CNTNAP2: variants seen among roughly 807,000 people sequenced by gnomAD.
CNTNAP2 encodes the protein contactin associated protein 2, also known as contactin-associated protein-like 2.
Under a neutral mutation model 155.2 loss-of-function variants are expected in CNTNAP2, and 98 were observed. The observed-to-expected ratio is 0.63, with a 90% CI of 0.54 to 0.75. The LOEUF is 0.75. Ranked by LOEUF, CNTNAP2 falls within the 30% of genes least tolerant of loss-of-function variation. CNTNAP2 has a pLI of 0.00. For synonymous variants in CNTNAP2, 651 were observed against 631.2 expected, an observed-to-expected ratio of 1.03 and a Z score of -0.47; for missense variants, 1,727 against 1,688.1, an observed-to-expected ratio of 1.02 and a Z score of -0.40.
intron 19 of CNTNAP2, among the ~76,000 whole-genome samples, chr7:148,226,597 G>A (rs1795854070): frequency 6.6e-6 from 1 of 151,374 alleles, no homozygotes; most frequent in African/African-American, 2.4e-5. Context: ...GAGTTTAACG[G>A]GTATATGACC....
chr7:148,193,939 C>T (rs897480094), intron 18 of CNTNAP2, among the ~76,000 whole-genome samples: 2 of 151,054 alleles, frequency 1.3e-5, no homozygotes, highest in Non-Finnish European at 1.5e-5. Context: ...TCAAGAGGAT[C>T]CTCATCTCTG....
At chr7:146,352,992 G>T (rs1794944580) in intron 1 of CNTNAP2, among the ~76,000 whole-genome samples, 3 of 151,740 alleles carry the variant, frequency 2.0e-5, no homozygotes, top group Non-Finnish European at 2.9e-5. Context: ...CTGACCTCGT[G>T]ATCTGCCCAC....
At chr7:148,093,215 A>T (rs990953391) in intron 15 of CNTNAP2, among the ~76,000 whole-genome samples, 72 of 152,284 alleles carry the variant, frequency 4.7e-4, no homozygotes, top group Admixed American at 1.5e-3. Flanking sequence ...AATTTTTTTA[A>T]AAAGGAAAGC....
rs575116024 is a variant in CNTNAP2 at position 147,416,794 on chromosome 7, A to G, written c.1670+21014A>G. On this transcript the variant is annotated intron_variant, in intron 10 of 23. Transcript: ENST00000361727. ...GTAGGACCAGTATTAGGACATCTGC[A>G]TAAGATTTAATTTTAGAGGCCGTGT... is the stretch of plus-strand genomic sequence containing the variant. 2.0e-5 allele frequency among the ~76,000 whole-genome samples: 3 copies of G among 152,274 alleles called. No individual in the cohort carries two copies. In the East Asian group the frequency reaches 5.8e-4, roughly 29 times the overall value.
intron 2 of CNTNAP2, among the ~76,000 whole-genome samples, chr7:146,793,757 C>T (rs372413907): frequency 1.3e-5 from 2 of 152,120 alleles, no homozygotes; most frequent in Non-Finnish European, 2.9e-5. Context: ...CAAGTGTGGT[C>T]CCTGGCCCAG....
intron 12 of CNTNAP2, among the ~76,000 whole-genome samples, chr7:147,616,154 T>G (rs932789744): frequency 6.6e-6 from 1 of 152,226 alleles, no homozygotes; most frequent in Non-Finnish European, 1.5e-5. Flanking sequence ...TTTTAAAATA[T>G]TTAAAACAAA....
At chr7:147,034,988 C>T (rs144109817) in intron 3 of CNTNAP2, among the ~76,000 whole-genome samples, 3 of 110,268 alleles carry the variant, frequency 2.7e-5, no homozygotes, top group Non-Finnish European at 5.9e-5. Context: ...GGGTGGAGCC[C>T]CACCAGGACC....
intron 1 of CNTNAP2, among the ~76,000 whole-genome samples, chr7:146,358,769 A>G (rs73162171): frequency 0.082 from 12,497 of 152,256 alleles, 1,050 homozygotes; most frequent in African/African-American, 0.22. Flanking sequence ...TAAATTTAAA[A>G]TAAACTGAGC....
intron 1 of CNTNAP2, among the ~76,000 whole-genome samples, chr7:146,518,489 T>C (rs980888511): frequency 1.3e-5 from 2 of 151,870 alleles, no homozygotes; most frequent in Non-Finnish European, 2.9e-5. Context: ...AATGTTAAAC[T>C]TTATCCTGAG....
At chr7:146,233,623 ACAC>A (rs1421488928) in intron 1 of CNTNAP2, among the ~76,000 whole-genome samples, 8 of 151,334 alleles carry the variant, frequency 5.3e-5, no homozygotes, top group East Asian at 2.0e-4. Flanking sequence ...CCTTCCCCCC[ACAC>A]CACAACAGTC....
chr7:148,074,055 T>G (rs1246206467), intron 15 of CNTNAP2, among the ~76,000 whole-genome samples: 1 of 152,188 alleles, frequency 6.6e-6, no homozygotes, highest in East Asian at 1.9e-4. Flanking sequence ...ACTGGGGCTC[T>G]GGGAATGTAT....
intron 1 of CNTNAP2, among the ~76,000 whole-genome samples, chr7:146,648,587 G>A (rs1330497597): frequency 1.3e-5 from 2 of 152,038 alleles, no homozygotes; most frequent in African/African-American, 4.8e-5. Flanking sequence ...ATAGATTTAT[G>A]TTAAAACTTC....
At chr7:148,033,229 T>C (rs1321925658) in intron 15 of CNTNAP2, among the ~76,000 whole-genome samples, 1 of 152,174 alleles carries the variant, frequency 6.6e-6, no homozygotes, top group African/African-American at 2.4e-5. Context: ...ATATACATTA[T>C]AATTGGGTAA....
chr7:147,442,018 C>T (rs1473319478), intron 10 of CNTNAP2, among the ~76,000 whole-genome samples: 1 of 152,058 alleles, frequency 6.6e-6, no homozygotes, highest in Non-Finnish European at 1.5e-5. Context: ...TCTCTGGCTA[C>T]TGCCTATGTT....
chr7:146,443,800 A>G (rs1364559273), intron 1 of CNTNAP2, among the ~76,000 whole-genome samples: 1 of 152,196 alleles, frequency 6.6e-6, no homozygotes, highest in Non-Finnish European at 1.5e-5. Context: ...TCCATAAGCC[A>G]TATAATTTCT....
chr7:147,498,148 T>C (rs1157840981), intron 11 of CNTNAP2, among the ~76,000 whole-genome samples: 1 of 146,250 alleles, frequency 6.8e-6, no homozygotes, highest in Non-Finnish European at 1.5e-5. Context: ...TTACAGCACC[T>C]GATGGGAAAG....
At chr7:147,228,757 T>C (rs1390741746) in intron 8 of CNTNAP2, among the ~76,000 whole-genome samples, 1 of 152,064 alleles carries the variant, frequency 6.6e-6, no homozygotes, top group African/African-American at 2.4e-5. Flanking sequence ...GCTGCACCCA[T>C]CAACCCGTCA....
chr7:146,335,296 A>G (rs1176281308), intron 1 of CNTNAP2, among the ~76,000 whole-genome samples: 2 of 152,208 alleles, frequency 1.3e-5, no homozygotes, highest in Non-Finnish European at 2.9e-5. Flanking sequence ...CCATATGCAC[A>G]TTGAAAATGA....
chr7:146,649,660 A>G (rs1261951698), intron 1 of CNTNAP2, among the ~76,000 whole-genome samples: 1 of 152,164 alleles, frequency 6.6e-6, no homozygotes, highest in African/African-American at 2.4e-5. Context: ...ATCTTTCTCA[A>G]TAGGAAATGG....
Sources: allele counts gnomAD v4.1 joint callset (sites outside exome capture counted in the v4.1 genomes callset), GRCh38; gene constraint gnomAD v4.1.1; transcripts MANE v1.5; gene names NCBI Gene and HGNC (gene_info 2026-07-23, HGNC 2026-07-21).